Variants in MTDH observed in about 807,000 individuals in gnomAD.
MTDH encodes the protein metadherin.
In MTDH, 34 loss-of-function variants were observed where a neutral mutation model predicts 72.7. The ratio of observed to expected loss-of-function variants is 0.47; its 90% CI spans 0.36 to 0.62. MTDH has a LOEUF of 0.62. Ranked by LOEUF, MTDH falls within the 20% of genes least tolerant of loss-of-function variation. The pLI is 0.00. For missense variants in MTDH, 677 were observed against 699.4 expected, an observed-to-expected ratio of 0.97 and a Z score of 0.36; for synonymous variants, 266 against 268.9, an observed-to-expected ratio of 0.99 and a Z score of 0.10.
At chr8:97,682,263 T>A (rs1231788545) in intron 2 of MTDH, among the ~76,000 whole-genome samples, 2 of 7,900 alleles carry the variant, frequency 2.5e-4, no homozygotes, top group African/African-American at 1.1e-3. Flanking sequence ...TATATATATA[T>A]ATATATATAT....
chr8:97,680,325 G>A lies in MTDH; in HGVS notation c.484-6343G>A, dbSNP rs548926224. Reference sequence around the variant, plus strand: ...GGCCTCAATCGGTCGGCCCACCTCAGCCCCTCCAAAGTGCTGGGATTACAA... The same window carrying A: ...GGCCTCAATCGGTCGGCCCACCTCAACCCCTCCAAAGTGCTGGGATTACAA... On this transcript the variant is annotated intron_variant, in intron 2 of 11. Transcript: ENST00000336273. Among the ~76,000 whole-genome samples the A allele has an allele frequency of 2.6e-5, 4 of 152,206 alleles. No homozygotes were observed. In the East Asian group the frequency reaches 7.7e-4, roughly 29 times the overall value.
At chr8:97,665,682 T>C (rs1222283350) in intron 2 of MTDH, among the ~76,000 whole-genome samples, 1 of 152,194 alleles carries the variant, frequency 6.6e-6, no homozygotes, top group Non-Finnish European at 1.5e-5. Context: ...AACCTGACAT[T>C]ATTTAGATTA....
At chr8:97,703,614 A>G (rs1165790563) in intron 7 of MTDH, among the ~76,000 whole-genome samples, 3 of 152,226 alleles carry the variant, frequency 2.0e-5, no homozygotes, top group South Asian at 2.1e-4. Context: ...CTCCTAAAGT[A>G]TTATTAATGA....
chr8:97,673,203 C>T (rs1812701405), intron 2 of MTDH, among the ~76,000 whole-genome samples: 1 of 152,156 alleles, frequency 6.6e-6, no homozygotes, highest in South Asian at 2.1e-4. Context: ...ATATTCTCTA[C>T]TGTCTGGTGG....
chr8:97,711,887 G>GAAACTGCAGAAAGCA (rs1417059436), intron 8 of MTDH, among the ~76,000 whole-genome samples: 1 of 152,180 alleles, frequency 6.6e-6, no homozygotes, highest in East Asian at 1.9e-4. Flanking sequence ...GCAGGTAACT[G>GAAACTGCAGAAAGCA]AAACTGCAGA....
chr8:97,698,190 T>C (rs1050001339), intron 6 of MTDH, among the ~76,000 whole-genome samples: 1 of 152,208 alleles, frequency 6.6e-6, no homozygotes, highest in African/African-American at 2.4e-5. Flanking sequence ...ACTAACCAAG[T>C]ATCTTTTCTT....
intron 10 of MTDH, among the ~76,000 whole-genome samples, chr8:97,721,609 C>G (rs959414998): frequency 2.0e-5 from 3 of 152,148 alleles, no homozygotes; most frequent in Non-Finnish European, 4.4e-5. Context: ...ACCCTTCTTT[C>G]TATGTTCAGG....
chr8:97,651,744 T>C (rs997528522), intron 1 of MTDH, among the ~76,000 whole-genome samples: 5 of 152,222 alleles, frequency 3.3e-5, no homozygotes, highest in Admixed American at 1.3e-4. Flanking sequence ...CAGAACCTCA[T>C]GTCTACATGT....
chr8:97,680,175 T>C (rs1813014520), intron 2 of MTDH, among the ~76,000 whole-genome samples: 2 of 152,254 alleles, frequency 1.3e-5, no homozygotes, highest in South Asian at 4.1e-4. Context: ...TGGGCTCAAG[T>C]GATCCTCCCA....
At chr8:97,686,392 A>G (rs1056587029) in intron 2 of MTDH, among the ~76,000 whole-genome samples, 1 of 152,152 alleles carries the variant, frequency 6.6e-6, no homozygotes, top group African/African-American at 2.4e-5. Flanking sequence ...CTAAGTTTTC[A>G]TTTCCTCATC....
intron 6 of MTDH, among the ~76,000 whole-genome samples, chr8:97,694,414 C>A (rs983588901): frequency 6.6e-6 from 1 of 152,086 alleles, no homozygotes; most frequent in African/African-American, 2.4e-5. Flanking sequence ...TCAGGCTGGT[C>A]TCGAACTCCC....
intron 1 of MTDH, among the ~76,000 whole-genome samples, chr8:97,646,418 A>G (rs1811564839): frequency 6.6e-6 from 1 of 152,246 alleles, no homozygotes; most frequent in African/African-American, 2.4e-5. Context: ...ATTACCAATT[A>G]TCAAAGTAAT....
At chr8:97,694,573 C>T (rs1813747804) in intron 6 of MTDH, among the ~76,000 whole-genome samples, 1 of 152,160 alleles carries the variant, frequency 6.6e-6, no homozygotes, top group Admixed American at 6.6e-5. Context: ...CTTGCTCTCC[C>T]TTCCTCCCCA....
intron 7 of MTDH, among the ~76,000 whole-genome samples, chr8:97,705,790 T>C (rs1013799392): frequency 6.6e-6 from 1 of 152,190 alleles, no homozygotes; most frequent in African/African-American, 2.4e-5. Context: ...GGAACATATA[T>C]AGGAGTATAT....
intron 8 of MTDH, among the ~76,000 whole-genome samples, chr8:97,709,659 A>G (rs540104079): frequency 6.6e-6 from 1 of 152,362 alleles, no homozygotes; most frequent in East Asian, 1.9e-4. Context: ...TTATAAAAAG[A>G]TAGAATATGT....
At chr8:97,660,934 ACATT>A (rs1487553051) in intron 1 of MTDH, 134 bp from the exon 2 acceptor site, 1 of 458,132 alleles carries the variant, frequency 2.2e-6, no homozygotes, top group Non-Finnish European at 4.0e-6. Context: ...CTCTTAGATA[ACATT>A]GGTGTACAAA....
intron 2 of MTDH, among the ~76,000 whole-genome samples, chr8:97,683,384 TTTTG>T (rs1017640560): frequency 2.0e-5 from 3 of 151,602 alleles, no homozygotes; most frequent in Non-Finnish European, 2.9e-5. Flanking sequence ...TTTCTTTGTT[TTTTG>T]TTTGTTTGTT....
chr8:97,675,904 C>T (rs1464405294), intron 2 of MTDH, among the ~76,000 whole-genome samples: 1 of 150,768 alleles, frequency 6.6e-6, no homozygotes, highest in Admixed American at 6.6e-5. Context: ...TAGAACCTGG[C>T]TACCTACCTT....
chr8:97,678,936 C>T (rs1001453291), intron 2 of MTDH, among the ~76,000 whole-genome samples: 1 of 152,140 alleles, frequency 6.6e-6, no homozygotes, highest in African/African-American at 2.4e-5. Context: ...AGAGTGTATT[C>T]TGACAAACTT....
Sources: allele counts gnomAD v4.1 joint callset (sites outside exome capture counted in the v4.1 genomes callset), GRCh38; gene constraint gnomAD v4.1.1; transcripts MANE v1.5; gene names NCBI Gene and HGNC (gene_info 2026-07-23, HGNC 2026-07-21).